The following MAP7D2 variants were observed in gnomAD, a reference collection of about 807,000 sequenced individuals.
The protein encoded by MAP7D2 is MAP7 domain containing 2.
In MAP7D2, 33 loss-of-function variants were observed where a neutral mutation model predicts 63.5. The ratio of observed to expected loss-of-function variants is 0.52; its 90% CI spans 0.39 to 0.70. The LOEUF (loss-of-function observed/expected upper bound fraction) is 0.70. MAP7D2 is among the 30% of genes least tolerant of loss of function. The pLI is 0.00. For missense variants in MAP7D2, 626 were observed against 604.0 expected (o/e 1.04, Z -0.38); for synonymous variants, 224 against 223.7 (o/e 1.00, Z -0.01).
chrX:20,042,062 T>C (rs1324691835), intron 8 of MAP7D2, among the ~76,000 whole-genome samples: 1 of 110,915 alleles, frequency 9.0e-6, no homozygotes, highest in Non-Finnish European at 1.9e-5. Context: ...CACACACATA[T>C]ATATTTGCTT....
chrX:20,063,385 A>G, intron 3 of MAP7D2, 29 bp downstream of exon 3: 1 of 1,199,687 alleles, frequency 8.3e-7, no homozygotes, highest in East Asian at 3.0e-5. Flanking sequence ...GGGGGCTGGA[A>G]GGTGGCGGAG....
chrX:20,104,129 G>A (rs2066505803), intron 1 of MAP7D2, among the ~76,000 whole-genome samples: 1 of 111,555 alleles, frequency 9.0e-6, no homozygotes, highest in Non-Finnish European at 1.9e-5. Flanking sequence ...GGGATATGTG[G>A]AGCTCAATGG....
chrX:20,035,926 A>G (rs1032749306), intron 8 of MAP7D2, among the ~76,000 whole-genome samples: 4 of 98,398 alleles, frequency 4.1e-5, no homozygotes, highest in Non-Finnish European at 8.2e-5. Context: ...AAAAATATAT[A>G]TGTGTGTGTG....
chrX:20,069,373 A>C (rs2065440571), intron 1 of MAP7D2, among the ~76,000 whole-genome samples: 1 of 109,375 alleles, frequency 9.1e-6, no homozygotes, highest in Non-Finnish European at 1.9e-5. Flanking sequence ...TGCCTGGCTA[A>C]TTTTTTTATT....
intron 1 of MAP7D2, among the ~76,000 whole-genome samples, chrX:20,115,479 T>C (rs1164242661): frequency 8.9e-6 from 1 of 111,791 alleles, no homozygotes; most frequent in African/African-American, 3.3e-5. Flanking sequence ...TTCCAGGTTC[T>C]TCCCTAGCAG....
At chrX:20,048,711 T>C (rs2064864250) in intron 6 of MAP7D2, among the ~76,000 whole-genome samples, 1 of 109,744 alleles carries the variant, frequency 9.1e-6, no homozygotes, top group Non-Finnish European at 1.9e-5. Context: ...GGGTCGCGCT[T>C]GAGCCCAAGA....
At chrX:20,073,532 C>CTTTTT (rs1335817629) in intron 1 of MAP7D2, among the ~76,000 whole-genome samples, 3 of 94,961 alleles carry the variant, frequency 3.2e-5, no homozygotes, top group African/African-American at 3.8e-5. Context: ...CTTTTCTTTT[C>CTTTTT]TTTTTTTTTT....
intron 6 of MAP7D2, among the ~76,000 whole-genome samples, chrX:20,049,640 G>C (rs748691258): frequency 9.9e-5 from 11 of 111,508 alleles, no homozygotes; most frequent in African/African-American, 3.6e-4. Context: ...CCACTTTGTG[G>C]CTATTGTGAA....
intron 7 of MAP7D2, among the ~76,000 whole-genome samples, 162 bp from the exon 8 acceptor site, chrX:20,042,791 G>C (rs895871660): frequency 3.6e-5 from 4 of 111,561 alleles, no homozygotes; most frequent in Non-Finnish European, 5.6e-5. Context: ...GGCAGGATGA[G>C]GTCATCACAT....
chrX:20,113,523 C>T (rs1456587561), intron 1 of MAP7D2, among the ~76,000 whole-genome samples: 2 of 112,363 alleles, frequency 1.8e-5, no homozygotes, highest in East Asian at 2.8e-4. Flanking sequence ...GGATTACAGG[C>T]GTGAGCCACC....
At chrX:20,100,437 T>C (rs1313216521) in intron 1 of MAP7D2, among the ~76,000 whole-genome samples, 1 of 111,992 alleles carries the variant, frequency 8.9e-6, no homozygotes, top group Non-Finnish European at 1.9e-5. Context: ...CTGTCGATGT[T>C]CTAGCTCCCA....
chrX:20,038,257 C>G (rs2064551746), intron 8 of MAP7D2, among the ~76,000 whole-genome samples: 1 of 112,154 alleles, frequency 8.9e-6, no homozygotes, highest in South Asian at 3.7e-4. Flanking sequence ...AGACTACTGT[C>G]TGTAGACCCA....
Position 20,066,823 on chromosome X carries a change from T to C in MAP7D2, c.131-2018A>G, listed in dbSNP as rs760983434. Among the ~76,000 whole-genome samples the C allele has an allele frequency of 3.6e-5, 4 of 111,437 alleles. No homozygotes were observed. In the East Asian group the frequency reaches 1.1e-3, roughly 31 times the overall value. ...TTGAGGACTCTTATTCTGCTCTCTC[T>C]GTAACTCAGTCTCCCCTGGTGTGTT... is the stretch of plus-strand genomic sequence containing the variant. On this transcript the variant is annotated intron_variant, in intron 1 of 16. Transcript: ENST00000379643.
intron 8 of MAP7D2, among the ~76,000 whole-genome samples, chrX:20,028,412 C>A (rs1420847359): frequency 2.7e-5 from 3 of 112,236 alleles, no homozygotes; most frequent in African/African-American, 9.7e-5. Context: ...ATAATCCTCA[C>A]AGACAAGAAT....
At chrX:20,100,387 A>C (rs938364473) in intron 1 of MAP7D2, among the ~76,000 whole-genome samples, 3 of 111,499 alleles carry the variant, frequency 2.7e-5, no homozygotes, top group African/African-American at 9.8e-5. Flanking sequence ...GGGAATACAA[A>C]ATGGTACAGC....
intron 1 of MAP7D2, among the ~76,000 whole-genome samples, chrX:20,065,362 G>A (rs1488932624): frequency 9.2e-6 from 1 of 108,324 alleles, no homozygotes; most frequent in Admixed American, 9.8e-5. Context: ...TGCCTCCCAG[G>A]TTCAAGCGAT....
intron 1 of MAP7D2, among the ~76,000 whole-genome samples, chrX:20,074,515 A>G (rs186291611): frequency 4.4e-4 from 49 of 111,458 alleles, no homozygotes; most frequent in African/African-American, 1.6e-3. Flanking sequence ...CCCGCCTCAT[A>G]TTTTTCATTT....
At chrX:20,101,374 A>G (rs1178280254) in intron 1 of MAP7D2, among the ~76,000 whole-genome samples, 4 of 112,366 alleles carry the variant, frequency 3.6e-5, no homozygotes, top group Admixed American at 9.5e-5. Flanking sequence ...ATTGAGGCCT[A>G]TAAGAAAAAA....
At chrX:20,042,414 A>G (rs1394123560) in intron 8 of MAP7D2, 88 bp downstream of exon 8, 5 of 1,075,887 alleles carry the variant, frequency 4.6e-6, no homozygotes, top group Non-Finnish European at 6.4e-6. Flanking sequence ...CTCACGGGGG[A>G]GCAGGAGCTG....
Sources: gnomAD v4.1 joint callset for allele counts (sites outside exome capture counted in the v4.1 genomes callset) on GRCh38, gnomAD v4.1.1 for gene constraint, MANE v1.5 for transcripts, NCBI Gene and HGNC (gene_info 2026-07-23, HGNC 2026-07-21) for gene names.